Variants in NCAN observed in about 807,000 individuals in gnomAD.
NCAN encodes the protein neurocan.
Under a neutral mutation model 121.8 loss-of-function variants are expected in NCAN, and 47 were observed. The ratio of observed to expected loss-of-function variants is 0.39; its 90% confidence interval spans 0.31 to 0.49. The LOEUF (loss-of-function observed/expected upper bound fraction) is 0.49. Among genes scored for constraint, NCAN ranks in the 20% least tolerant of loss-of-function variants. The probability of loss-of-function intolerance (pLI) is 0.92; values close to 1 mark genes in which losing one functional copy is unlikely to be tolerated. For missense variants in NCAN, 1,517 were observed against 1,773.4 expected (o/e 0.86, Z 2.60); for synonymous variants, 633 against 702.0 (o/e 0.90, Z 1.55).
At chr19:19,245,173 C>A in intron 12 of NCAN, 140 bp from the exon 13 acceptor site, 1 of 1,027,250 alleles carries the variant, frequency 9.7e-7, no homozygotes, top group Non-Finnish European at 1.4e-6. Flanking sequence ...ATGGGCAGGA[C>A]AGTGGCCATT....
chr19:19,248,282 T>C (rs1163662012), intron 13 of NCAN, among the ~76,000 whole-genome samples: 3 of 151,978 alleles, frequency 2.0e-5, no homozygotes, highest in Non-Finnish European at 2.9e-5. Context: ...CGGTCTCTAC[T>C]ATAAATACAA....
intron 12 of NCAN, among the ~76,000 whole-genome samples, chr19:19,242,619 G>C (rs2060907755): frequency 6.6e-6 from 1 of 152,028 alleles, no homozygotes; most frequent in African/African-American, 2.4e-5. Flanking sequence ...AACCTGGAAG[G>C]CGTAGGTTGC....
At chr19:19,236,558 G>A (rs77927505) in intron 10 of NCAN, among the ~76,000 whole-genome samples, 7,368 of 151,954 alleles carry the variant, frequency 0.048, 258 homozygotes, top group Middle Eastern at 0.14. Flanking sequence ...ATACTCTCAG[G>A]AGTGGAATTG....
At chr19:19,217,735 C>G (rs1406548952) in intron 2 of NCAN, among the ~76,000 whole-genome samples, 1 of 152,204 alleles carries the variant, frequency 6.6e-6, no homozygotes, top group African/African-American at 2.4e-5. Context: ...GCCTATAATT[C>G]TAGCACTTTG....
At chr19:19,216,543 C>CTCGT (rs2060796765) in intron 1 of NCAN, among the ~76,000 whole-genome samples, 1 of 152,132 alleles carries the variant, frequency 6.6e-6, no homozygotes, top group Admixed American at 6.5e-5. Flanking sequence ...AACCCCTGAC[C>CTCGT]TCGTGATCCA....
Position 19,227,490 on chromosome 19 carries a change from G to A in NCAN, c.1870G>A (p.Val624Met). ...CCCTGCCCCCTGGGAGGCATTCCCTGTGGCCACCTCCCCAGATCTCCCTAT... is the reference window on the plus strand; with the variant it reads ...CCCTGCCCCCTGGGAGGCATTCCCTATGGCCACCTCCCCAGATCTCCCTAT... ...PSPAPWEAFP[V>M]ATSPDLPMMA... Residue 624 changes from valine (V) to methionine (M), a missense_variant, in exon 8 of 15, where the codon GTG (valine) becomes ATG (methionine). Physicochemically the swap from Val to Met is conservative, Grantham distance 21 (BLOSUM62 1). Transcript: ENST00000252575. This position sits in a 1 kb window ranked among gnomAD's most constrained non-coding sequence, Gnocchi z 4.2. The A allele has an allele frequency of 1.2e-6, 2 of 1,613,558 alleles. No individual in the cohort carries two copies. The highest frequency in any genetic ancestry group is 1.1e-5 in the South Asian group (1 of 91,068).
intron 1 of NCAN, among the ~76,000 whole-genome samples, chr19:19,215,524 A>G (rs1301691630): frequency 6.6e-6 from 1 of 152,084 alleles, no homozygotes; most frequent in African/African-American, 2.4e-5. Context: ...CCTAGCCCCT[A>G]TAGGGAAATG....
chr19:19,228,683 G>C, intron 8 of NCAN, 44 bp downstream of exon 8: 1 of 1,549,624 alleles, frequency 6.5e-7, no homozygotes. Context: ...TCCATGGTCA[G>C]GGCTTGGGGA....
rs774723211 is a variant in NCAN, at chr19:19,226,835, C to A, written c.1422C>A (p.Asp474Glu). 4.3e-6 allele frequency: 7 copies of A among 1,613,240 alleles called. No homozygotes were observed. In the South Asian group the frequency reaches 7.7e-5, roughly 18 times the overall value. Residue 474 changes from aspartate to glutamate, a missense_variant, in exon 7 of 15, where the codon GAC becomes GAA. Transcript: ENST00000252575. ...ASSHTEVAPTDPMPRRRGRFK... is the reference protein window; with the variant it reads ...ASSHTEVAPTEPMPRRRGRFK... ...CACACACGGAGGTGGCCCCAACTGA[C>A]CCTATGCCTAGGAGAAGGGGGCGCT...
chr19:19,237,503 T>TAAA (rs2060885774), intron 10 of NCAN, among the ~76,000 whole-genome samples: 1 of 144,796 alleles, frequency 6.9e-6, no homozygotes, highest in African/African-American at 2.6e-5. Flanking sequence ...AAAAAAAAAT[T>TAAA]TTATATATAT....
At chr19:19,243,207 T>C (rs1342766312) in intron 12 of NCAN, among the ~76,000 whole-genome samples, 2 of 151,528 alleles carry the variant, frequency 1.3e-5, no homozygotes, top group Non-Finnish European at 2.9e-5. Context: ...AGAATTTTGG[T>C]GTGTTGTGAT....
In NCAN at chr19:19,226,974, G is replaced by A; in HGVS notation, c.1561G>A (p.Glu521Lys). The change falls in exon 7 of 15, where the codon GAG (glutamate) becomes AAG (lysine). Residue 521 changes from glutamate to lysine, a missense_variant. By Grantham distance (56) the Glu-to-Lys change is moderately conservative. Transcript: ENST00000252575. The stretch of plus-strand genomic sequence containing the variant: ...CTCAGAGGCTGCAGTGAACCAAATG[G>A]AGCCTCCGTTGGCCATGGCAGTCAC... The part of the protein sequence containing the change: ...PTSEAAVNQM[E>K]PPLAMAVTEM... 6.5e-7 allele frequency: 1 copy of A among 1,543,858 alleles called. No individual in the cohort carries two copies. Among genetic ancestry groups the A allele is most frequent in the Non-Finnish European group, 8.7e-7 (1 of 1,146,034 alleles).
chr19:19,213,576 C>T (rs1460052562), intron 1 of NCAN, among the ~76,000 whole-genome samples: 1 of 151,420 alleles, frequency 6.6e-6, no homozygotes. Flanking sequence ...CTTGTAAGTG[C>T]CCATATTGTC....
rs2060838507 is a variant in NCAN at position 19,226,728 on chromosome 19, G to A, written c.1315G>A (p.Ala439Thr). Reference protein sequence around the residue: ...LSPTPGDPMLASWPTGEVWLS... With the variant: ...LSPTPGDPMLTSWPTGEVWLS... ...CCCTACCCCTGGGGACCCCATGCTG[G>A]CCTCATGGCCCACTGGGGAAGTGTG... The change falls in exon 7 of 15, where the codon GCC (alanine) becomes ACC (threonine). Residue 439 changes from alanine to threonine, a missense_variant. Coordinates refer to ENST00000252575, the MANE Select transcript of NCAN (RefSeq NM_004386.3). 6.2e-7 allele frequency: 1 copy of A among 1,612,516 alleles called. No homozygotes were observed. The highest frequency in any genetic ancestry group is 1.3e-5 in the African/African-American group (1 of 74,940).
intron 8 of NCAN, among the ~76,000 whole-genome samples, chr19:19,230,406 T>TTTC (rs1213862661): frequency 6.8e-6 from 1 of 146,398 alleles, no homozygotes; most frequent in African/African-American, 2.5e-5. Context: ...CCCCCAAATT[T>TTTC]TTTTTTTTTT....
chr19:19,234,438 A>C (rs1174583564), intron 9 of NCAN, among the ~76,000 whole-genome samples: 7 of 152,310 alleles, frequency 4.6e-5, no homozygotes, highest in Non-Finnish European at 1.0e-4. Context: ...GAGCTCTTCT[A>C]TTGCTTCCCT....
At chr19:19,224,890 G>A in intron 5 of NCAN, 87 bp from the exon 6 acceptor site, 1 of 1,193,138 alleles carries the variant, frequency 8.4e-7, no homozygotes, top group Admixed American at 3.6e-5. Flanking sequence ...ACACGTCCAG[G>A]TCGGAACTAT....
At position 19,224,102 on chromosome 19, in the gene NCAN, C is replaced by T; in HGVS notation, c.557C>T (p.Ser186Leu). 1.9e-6 allele frequency: 3 copies of T among 1,608,686 alleles called. No homozygotes were observed. The highest frequency in any genetic ancestry group is 2.2e-5 in the South Asian group (2 of 90,754). The change falls in exon 4 of 15, where the codon TCA becomes TTA. Residue 186 changes from serine (S) to leucine (L), a missense_variant. Coordinates refer to ENST00000252575, the MANE Select transcript of NCAN (RefSeq NM_004386.3). The part of the protein sequence containing the change: ...AEAQEACRLS[S>L]AIIAAPRHLQ... ...GCCCAGGAGGCCTGCCGTCTCAGCTCAGCCATCATTGCAGCCCCTCGGCAT... is the reference window on the plus strand; with the variant it reads ...GCCCAGGAGGCCTGCCGTCTCAGCTTAGCCATCATTGCAGCCCCTCGGCAT...
intron 8 of NCAN, among the ~76,000 whole-genome samples, chr19:19,232,454 C>A (rs1301773154): frequency 1.3e-5 from 2 of 152,252 alleles, no homozygotes; most frequent in Non-Finnish European, 2.9e-5. Context: ...GGCCGTCGTC[C>A]AGCCACAGGC....
Sources: gnomAD v4.1 joint callset for allele counts (sites outside exome capture counted in the v4.1 genomes callset) on GRCh38, gnomAD v4.1.1 for gene constraint, Gnocchi (gnomAD v3.1) non-coding constraint, MANE v1.5 for transcripts, NCBI Gene and HGNC (gene_info 2026-07-23, HGNC 2026-07-21) for gene names.